RGS12: variants seen among roughly 807,000 people sequenced by gnomAD.
RGS12 encodes the protein regulator of G protein signaling 12.
RGS12 carries 66 observed loss-of-function variants against 120.1 expected under a neutral mutation model. That is an observed-to-expected ratio of 0.55 (90% confidence interval 0.45 to 0.67). The LOEUF (loss-of-function observed/expected upper bound fraction) is 0.67. Ranked by LOEUF, RGS12 falls within the 30% of genes least tolerant of loss-of-function variation. The probability of loss-of-function intolerance (pLI) is 0.00; values close to 1 mark genes in which losing one functional copy is unlikely to be tolerated. For missense variants in RGS12, 1,859 were observed against 1,957.7 expected, an observed-to-expected ratio of 0.95 and a Z score of 0.95; for synonymous variants, 827 against 804.7, an observed-to-expected ratio of 1.03 and a Z score of -0.47.
At chr4:3,286,726 C>T in the RGS12 span, among the ~76,000 whole-genome samples, 1 of 152,204 alleles carries the variant, frequency 6.6e-6, no homozygotes, top group Non-Finnish European at 1.5e-5. Context: ...CGGGGAAAGG[C>T]TCAGCGGGAA....
At chr4:3,411,687 C>T (rs1336818036) in intron 4 of RGS12, among the ~76,000 whole-genome samples, 7 of 152,368 alleles carry the variant, frequency 4.6e-5, no homozygotes, top group African/African-American at 9.6e-5. Context: ...GACCCCTGCC[C>T]CAGAGAGAGT....
chr4:3,373,170 CTGCTGG>C, intron 3 of RGS12, among the ~76,000 whole-genome samples: 1 of 152,184 alleles, frequency 6.6e-6, no homozygotes, highest in East Asian at 1.9e-4. Context: ...GGGGCGGTGG[CTGCTGG>C]CGACACGCAG....
chr4:3,409,237 G>A (rs560540133), intron 4 of RGS12, among the ~76,000 whole-genome samples: 40 of 152,342 alleles, frequency 2.6e-4, no homozygotes, highest in Non-Finnish European at 4.1e-4. Flanking sequence ...GACCCCAAGG[G>A]CAGGAGCAGG....
At chr4:3,417,705 T>C in intron 9 of RGS12, 164 bp downstream of exon 9, 1 of 703,958 alleles carries the variant, frequency 1.4e-6, no homozygotes, top group South Asian at 1.9e-5. Context: ...TGCCGCTGTG[T>C]CTGGGGACAC....
At chr4:3,334,247 A>G (rs78451375) in intron 2 of RGS12, among the ~76,000 whole-genome samples, 5,819 of 152,266 alleles carry the variant, frequency 0.038, 291 homozygotes, top group African/African-American at 0.12. Context: ...GTTTTCATGA[A>G]TAGGTGTTAA....
chr4:3,416,888 G>A, intron 7 of RGS12, 25 bp from the exon 8 acceptor site: 1 of 1,574,186 alleles, frequency 6.4e-7, no homozygotes, highest in Non-Finnish European at 8.7e-7. Context: ...TCCTGTGACT[G>A]TCCCACCTTA....
In RGS12 at chr4:3,365,076, C is replaced by T. The variant is rs923529781; in HGVS notation, c.1999-21340C>T. Among the ~76,000 whole-genome samples the T allele has an allele frequency of 2.6e-5, 4 of 151,974 alleles. No individual in the cohort carries two copies. The highest frequency in any genetic ancestry group is 2.0e-4 in the Admixed American group (3 of 15,268). Reference sequence around the variant, plus strand: ...GGGTGACAGGAGGATGAGGTGACGGCGGTTTGCAGGTTCCCCGGGAGCTGT... The same window carrying T: ...GGGTGACAGGAGGATGAGGTGACGGTGGTTTGCAGGTTCCCCGGGAGCTGT... On this transcript the variant is annotated intron_variant, in intron 3 of 17. Coordinates refer to ENST00000336727, the MANE Select transcript of RGS12 (RefSeq NM_001394154.1). This position sits in a 1 kb window ranked among gnomAD's most constrained non-coding sequence, Gnocchi z 4.0.
intron 17 of RGS12, among the ~76,000 whole-genome samples, chr4:3,436,852 C>T (rs947068540): frequency 3.3e-5 from 5 of 152,178 alleles, no homozygotes; most frequent in African/African-American, 1.2e-4. Context: ...ACAGCACAGT[C>T]GGAGCCGGCA....
chr4:3,318,105 T>C, intron 2 of RGS12, 54 bp downstream of exon 2: 6 of 1,354,686 alleles, frequency 4.4e-6, no homozygotes, highest in Non-Finnish European at 4.0e-6. Flanking sequence ...CACTTAGCAG[T>C]CACGGGGAGG....
intron 9 of RGS12, among the ~76,000 whole-genome samples, chr4:3,420,024 C>G (rs887547650): frequency 1.3e-5 from 2 of 152,180 alleles, no homozygotes; most frequent in Non-Finnish European, 2.9e-5. Context: ...GGTTTGGGAG[C>G]AGGTGCTGTT....
intron 3 of RGS12, 179 bp downstream of exon 3, chr4:3,343,232 C>A: frequency 1.8e-6 from 1 of 564,482 alleles, no homozygotes; most frequent in Admixed American, 3.0e-5. Context: ...CCTTTCTACC[C>A]TGCAATGTGT....
intron 2 of RGS12, among the ~76,000 whole-genome samples, chr4:3,321,783 TGAC>T (rs1195938110): frequency 1.3e-5 from 2 of 152,248 alleles, no homozygotes; most frequent in Non-Finnish European, 2.9e-5. Flanking sequence ...GGGCCCCTGC[TGAC>T]GGTGTCCTTG....
intron 4 of RGS12, among the ~76,000 whole-genome samples, chr4:3,393,575 T>C (rs1008012762): frequency 2.0e-5 from 3 of 152,190 alleles, no homozygotes; most frequent in African/African-American, 4.8e-5. Context: ...GCTCACCTTA[T>C]TAATTTTTTC....
chr4:3,420,640 A>G lies in RGS12; in HGVS notation c.2762-2A>G. Reference sequence around the variant, plus strand: ...GTGAGTCACTGTGTTTCCCCTGTCAAGACGCCCTGCATGCCAATGGAGGCC... The same window carrying G: ...GTGAGTCACTGTGTTTCCCCTGTCAGGACGCCCTGCATGCCAATGGAGGCC... On this transcript the variant is annotated splice_acceptor_variant, in intron 9 of 17. Transcript: ENST00000336727. LOFTEE classifies it high-confidence loss of function. 1 of 1,613,668 alleles carries G rather than the reference A, an allele frequency of 6.2e-7. No homozygotes were observed. The highest frequency in any genetic ancestry group is 8.5e-7 in the Non-Finnish European group (1 of 1,180,002).
chr4:3,298,429 C>T (rs928360657), intron 1 of RGS12, among the ~76,000 whole-genome samples: 5 of 152,168 alleles, frequency 3.3e-5, no homozygotes, highest in African/African-American at 1.2e-4. Flanking sequence ...TAGCTCGCTG[C>T]AGCCCCAAAC....
intron 3 of RGS12, among the ~76,000 whole-genome samples, chr4:3,356,174 C>G (rs920922083): frequency 6.6e-6 from 1 of 151,580 alleles, no homozygotes; most frequent in South Asian, 2.1e-4. Flanking sequence ...TGGCCTCAGC[C>G]CCCTCATATA....
intron 11 of RGS12, 87 bp downstream of exon 11, chr4:3,422,657 GC>G: frequency 7.2e-7 from 1 of 1,388,352 alleles, no homozygotes; most frequent in Non-Finnish European, 9.8e-7. Context: ...TCCTCAGGCT[GC>G]CCCCTCCTGC....
intron 2 of RGS12, among the ~76,000 whole-genome samples, chr4:3,336,100 AGCAG>A (rs751293813): frequency 2.6e-4 from 40 of 152,202 alleles, no homozygotes; most frequent in African/African-American, 7.5e-4. Context: ...TCAACAAACA[AGCAG>A]GCAAACAAAC....
At chr4:3,290,510 C>A (rs1722983457), upstream of RGS12, among the ~76,000 whole-genome samples, 1 of 152,222 alleles carries the variant, frequency 6.6e-6, no homozygotes, top group African/African-American at 2.4e-5. Context: ...GCATAGTGTC[C>A]TCAAGGGTCA....
Sources: gnomAD v4.1 joint callset for allele counts (sites outside exome capture counted in the v4.1 genomes callset) on GRCh38, gnomAD v4.1.1 for gene constraint, Gnocchi (gnomAD v3.1) non-coding constraint, MANE v1.5 for transcripts, NCBI Gene and HGNC (gene_info 2026-07-23, HGNC 2026-07-21) for gene names.